The following TNIK variants were observed in gnomAD, a reference collection of about 807,000 sequenced individuals.
The protein encoded by TNIK is TRAF2 and NCK interacting kinase, also known as TRAF2 and NCK-interacting protein kinase.
Under a neutral mutation model 191.3 loss-of-function variants are expected in TNIK, and 49 were observed. The observed-to-expected ratio is 0.26, with a 90% confidence interval of 0.20 to 0.32. The LOEUF is 0.32. Among genes scored for constraint, TNIK ranks in the 10% least tolerant of loss-of-function variants. TNIK has a pLI of 1.00. For synonymous variants in TNIK, 594 were observed against 600.9 expected (o/e 0.99, Z 0.17); for missense variants, 1,155 against 1,702.3 (o/e 0.68, Z 5.66).
chr3:171,240,476 A>T (rs551899761), intron 2 of TNIK, among the ~76,000 whole-genome samples: 2 of 151,592 alleles, frequency 1.3e-5, no homozygotes, highest in Admixed American at 6.5e-5. Context: ...TACACTTGGT[A>T]GAGTGGCTGG....
At chr3:171,198,788 G>A (rs2422193) in intron 4 of TNIK, among the ~76,000 whole-genome samples, 43,088 of 151,976 alleles carry the variant, frequency 0.28, 6,394 homozygotes, top group East Asian at 0.5. Context: ...TTCAATGCCA[G>A]CAGGATGGAC....
At chr3:171,355,373 C>T (rs1713883301) in intron 2 of TNIK, among the ~76,000 whole-genome samples, 1 of 152,144 alleles carries the variant, frequency 6.6e-6, no homozygotes, top group Non-Finnish European at 1.5e-5. Flanking sequence ...TTTGAAGTGT[C>T]TCTTCATAAG....
chr3:171,225,447 G>A, intron 3 of TNIK: 2 of 373,450 alleles, frequency 5.4e-6, no homozygotes, highest in South Asian at 4.1e-5. Context: ...CTCAATAGGA[G>A]TTCCCCAAGA....
At chr3:171,164,852 T>C (rs1440446184) in intron 10 of TNIK, among the ~76,000 whole-genome samples, 1 of 152,254 alleles carries the variant, frequency 6.6e-6, no homozygotes, top group African/African-American at 2.4e-5. Flanking sequence ...TCCTCCAGCT[T>C]GGGCTGGCCT....
intron 2 of TNIK, among the ~76,000 whole-genome samples, chr3:171,252,236 C>A (rs1435503996): frequency 6.6e-6 from 1 of 152,130 alleles, no homozygotes; most frequent in Non-Finnish European, 1.5e-5. Flanking sequence ...CAGTTAGTTA[C>A]AACCTGTTGG....
intron 2 of TNIK, among the ~76,000 whole-genome samples, chr3:171,305,055 A>AT (rs1302906226): frequency 6.6e-6 from 1 of 151,560 alleles, no homozygotes; most frequent in Admixed American, 6.6e-5. Context: ...ACAGGGAAAA[A>AT]AAAAAAGGAA....
chr3:171,062,158 G>A lies in TNIK; in HGVS notation c.*1723C>T, dbSNP rs957573906. ...TTGTGTATTTAGGCAAAGTCAGTAA[G>A]ATCGTAGTTTTTTTTGTTGTTGTTG... On this transcript the variant is annotated 3_prime_UTR_variant, in exon 33 of 33. Transcript: ENST00000436636. The A allele has an allele frequency of 6.6e-6, 1 of 152,148 alleles. No homozygotes were observed. The highest frequency in any genetic ancestry group is 1.5e-5 in the Non-Finnish European group (1 of 68,036). The allele number at this position is 152,148 out of a possible 1,614,324, so 9.4% of individuals were successfully genotyped here.
At chr3:171,119,104 AAAC>A (rs1443774245) in intron 18 of TNIK, among the ~76,000 whole-genome samples, 1 of 152,232 alleles carries the variant, frequency 6.6e-6, no homozygotes, top group African/African-American at 2.4e-5. Context: ...TATAAGAAAA[AAAC>A]AACCCCATCA....
rs71634497 is a variant in TNIK at position 171,327,900 on chromosome 3, T to TAAAAAAAAAAA, written c.123+41709_123+41719dup. 8.7e-3 allele frequency among the ~76,000 whole-genome samples: 689 copies of TAAAAAAAAAAA among 79,574 alleles called. 40 individuals are homozygous for TAAAAAAAAAAA. The highest frequency in any genetic ancestry group is 0.012 in the Non-Finnish European group (468 of 38,750). The allele number at this position is 79,574 out of a possible 152,430, so 52.2% of individuals were successfully genotyped here. On this transcript the variant is annotated intron_variant, in intron 2 of 32. Coordinates refer to ENST00000436636, the MANE Select transcript of TNIK (RefSeq NM_015028.4). ...ATCTGTGGCTCCCAAACCTGGCTCA[T>TAAAAAAAAAAA]AAAAAAAAAAAAAAAAAAAAAAAAA...
chr3:171,079,317 T>G (rs1464100189), intron 28 of TNIK, among the ~76,000 whole-genome samples: 2 of 152,192 alleles, frequency 1.3e-5, no homozygotes, highest in African/African-American at 4.8e-5. Context: ...AACTGGAGCC[T>G]AGGACTTTAT....
intron 1 of TNIK, among the ~76,000 whole-genome samples, chr3:171,431,144 A>C (rs530818734): frequency 7.9e-4 from 121 of 152,204 alleles, no homozygotes; most frequent in South Asian, 2.1e-3. Context: ...ACTTTCTTAC[A>C]AAAGAAGAGC....
At position 171,218,099 on chromosome 3, in the gene TNIK, A is replaced by G. The variant is rs541672321; in HGVS notation, c.181-6858T>C. On this transcript the variant is annotated intron_variant, in intron 3 of 32. Transcript: ENST00000436636. ...GATTAATATATTTACATCTCACACTAACTTTGTGAGAGAAGTGGCATTATC... is the reference window on the plus strand; with the variant it reads ...GATTAATATATTTACATCTCACACTGACTTTGTGAGAGAAGTGGCATTATC... Among the ~76,000 whole-genome samples the G allele has an allele frequency of 5.3e-5, 8 of 152,306 alleles. No homozygotes were observed. In the East Asian group the frequency reaches 1.5e-3, roughly 29 times the overall value.
At chr3:171,310,799 G>A (rs1393848746) in intron 2 of TNIK, among the ~76,000 whole-genome samples, 1 of 152,102 alleles carries the variant, frequency 6.6e-6, no homozygotes, top group Non-Finnish European at 1.5e-5. Context: ...CACCTTACAT[G>A]TTGATAAGCA....
In TNIK at chr3:171,183,672, C is replaced by T. The variant is rs147902040; in HGVS notation, c.639+5030G>A. 2.6e-5 allele frequency among the ~76,000 whole-genome samples: 4 copies of T among 152,172 alleles called. No homozygotes were observed. In the East Asian group the frequency reaches 7.7e-4, roughly 29 times the overall value. On this transcript the variant is annotated intron_variant, in intron 7 of 32. Transcript: ENST00000436636. ...GTCCAGTGGCTCACGCTTGTAATCCCAGCACTTTGGGAGGCCAAGGTGGGC... is the reference window on the plus strand; with the variant it reads ...GTCCAGTGGCTCACGCTTGTAATCCTAGCACTTTGGGAGGCCAAGGTGGGC...
At chr3:171,259,338 A>C (rs115073804) in intron 2 of TNIK, among the ~76,000 whole-genome samples, 1 of 152,172 alleles carries the variant, frequency 6.6e-6, no homozygotes, top group Non-Finnish European at 1.5e-5. Context: ...GGCTGATGGG[A>C]TAAGACTCAG....
rs1717625938 is a variant in TNIK at position 171,059,342 on chromosome 3, G to A, written c.*4539C>T. 6.6e-6 allele frequency among the ~76,000 whole-genome samples: 1 copy of A among 152,010 alleles called. No homozygotes were observed. Among genetic ancestry groups the A allele is most frequent in the African/African-American group, 2.4e-5 (1 of 41,386 alleles). ...ATTTTTGTTTAAAAATGCTTTTATG[G>A]GGATTTTTATTTTGGTATATTCTGG... On this transcript the variant is annotated 3_prime_UTR_variant, in exon 33 of 33. Transcript: ENST00000436636.
At chr3:171,167,694 A>G (rs1339815273) in intron 9 of TNIK, among the ~76,000 whole-genome samples, 3 of 152,164 alleles carry the variant, frequency 2.0e-5, no homozygotes, top group African/African-American at 7.2e-5. Flanking sequence ...TGAAAAACTC[A>G]GGCTAGGATG....
intron 5 of TNIK, among the ~76,000 whole-genome samples, chr3:171,192,834 C>T (rs958970542): frequency 9.2e-5 from 14 of 152,200 alleles, no homozygotes; most frequent in African/African-American, 3.4e-4. Flanking sequence ...AATCAGCAGC[C>T]AGGCCTCCTT....
chr3:171,378,946 A>C (rs1167434990), intron 1 of TNIK, among the ~76,000 whole-genome samples: 1 of 152,202 alleles, frequency 6.6e-6, no homozygotes, highest in East Asian at 1.9e-4. Flanking sequence ...AACCGATGGA[A>C]TCACCCATTG....
Sources: gnomAD v4.1 joint callset for allele counts (sites outside exome capture counted in the v4.1 genomes callset) on GRCh38, gnomAD v4.1.1 for gene constraint, MANE v1.5 for transcripts, NCBI Gene and HGNC (gene_info 2026-07-23, HGNC 2026-07-21) for gene names.